ITGA11: variants seen among roughly 807,000 people sequenced by gnomAD.
The protein encoded by ITGA11 is integrin alpha-11.
A neutral mutation model predicts 141.9 loss-of-function variants in ITGA11; 97 were observed. That is an observed-to-expected ratio of 0.68 (90% CI 0.58 to 0.81). The LOEUF is 0.81. ITGA11 is among the 30% of genes least tolerant of loss of function. The pLI is 0.00. For missense variants in ITGA11, 1,387 were observed against 1,559.2 expected (o/e 0.89, Z 1.86); for synonymous variants, 658 against 624.6 (o/e 1.05, Z -0.80).
chr15:68,303,883 G>C lies in ITGA11; in HGVS notation c.3384C>G (p.Ile1128Met). 1 of 1,604,652 alleles carries C rather than the reference G, an allele frequency of 6.2e-7. No homozygotes were observed. Among genetic ancestry groups the C allele is most frequent in the Non-Finnish European group, 8.5e-7 (1 of 1,172,350 alleles). Residue 1128 changes from isoleucine (I) to methionine (M), a missense_variant and splice_region_variant, in exon 29 of 30, where the codon ATC becomes ATG. Ile to Met is a conservative substitution (Grantham distance 10, BLOSUM62 1). Coordinates refer to ENST00000315757, the MANE Select transcript of ITGA11 (RefSeq NM_001004439.2). This position sits in a 1 kb window ranked among gnomAD's most constrained non-coding sequence, Gnocchi z 5.3. ...IFREEDPSRQ[I>M]VFEISKQEDW... ...CCTCTTGCTTGGAGATCTCAAACAC[G>C]ATCTGCAAGGGGAGGGGGGCCGGGC...
At chr15:68,331,515 A>G (rs1894155637) in intron 14 of ITGA11, among the ~76,000 whole-genome samples, 1 of 150,584 alleles carries the variant, frequency 6.6e-6, no homozygotes, top group African/African-American at 2.5e-5. Context: ...ATTTCCAGAG[A>G]AGAGTGAGCC....
At chr15:68,316,727 C>T (rs1392035017) in intron 21 of ITGA11, among the ~76,000 whole-genome samples, 2 of 152,232 alleles carry the variant, frequency 1.3e-5, no homozygotes, top group East Asian at 1.9e-4. Flanking sequence ...AGCTTGGCCT[C>T]AATTAGGTCT....
At chr15:68,337,993 C>T (rs377536826) in intron 11 of ITGA11, among the ~76,000 whole-genome samples, 15 of 152,284 alleles carry the variant, frequency 9.9e-5, no homozygotes, top group South Asian at 2.1e-4. Context: ...TGTACCAGCT[C>T]GCTGGACCAT....
chr15:68,355,436 GTTCTTTTT>G lies in ITGA11; in HGVS notation c.749+1707_749+1714del, dbSNP rs573266473. ...TACGAATTCACAATACTACTAAATA[GTTCTTTTT>G]TTCTTTTTTTCTTTTTTTTTTGAGA... On this transcript the variant is annotated intron_variant, in intron 7 of 29. Coordinates refer to ENST00000315757, the MANE Select transcript of ITGA11 (RefSeq NM_001004439.2). Among the ~76,000 whole-genome samples, 1,445 of 151,888 alleles carry G rather than the reference GTTCTTTTT, an allele frequency of 9.5e-3. 22 individuals carry two copies. The highest frequency in any genetic ancestry group is 0.028 in the African/African-American group (1,165 of 41,370).
At chr15:68,383,802 TAGGA>T (rs762875303) in intron 2 of ITGA11, among the ~76,000 whole-genome samples, 10 of 152,170 alleles carry the variant, frequency 6.6e-5, no homozygotes, top group Non-Finnish European at 1.0e-4. Flanking sequence ...TCACTGGACT[TAGGA>T]AGGATGTTGG....
At position 68,362,008 on chromosome 15, in the gene ITGA11, C is replaced by CCACT. The variant is rs1895258655; in HGVS notation, c.358-308_358-305dup. 4.9e-5 allele frequency: 14 copies of CCACT among 284,044 alleles called. 1 individual carries two copies. The South Asian group carries it at 5.4e-4, about 11-fold the overall frequency. The allele number at this position is 284,044 out of a possible 1,614,324, so 17.6% of individuals were successfully genotyped here. A position where few individuals can be genotyped will look rare whatever the true frequency, so the allele number is the denominator to read the frequency against. On this transcript the variant is annotated intron_variant, in intron 4 of 29. Transcript: ENST00000315757. ...TACTTCTTCACCCTACCTGCCCACC[C>CCACT]CACTCACCCACCCACCATACGGGAT...
chr15:68,406,865 G>C lies in ITGA11; in HGVS notation c.53-3836C>G, dbSNP rs377391252. On this transcript the variant is annotated intron_variant, in intron 1 of 29. Coordinates refer to ENST00000315757, the MANE Select transcript of ITGA11 (RefSeq NM_001004439.2). ...CACGATCCTAGGCATCTAACCGTGA[G>C]TTTTACATTAATCAATTAAATCTCA... is the stretch of plus-strand genomic sequence containing the variant. 6.3e-4 allele frequency among the ~76,000 whole-genome samples: 96 copies of C among 152,278 alleles called. 1 individual carries two copies. In the South Asian group the frequency reaches 0.014, roughly 23 times the overall value.
In ITGA11 at chr15:68,318,487, A is replaced by G. The variant is rs547155138; in HGVS notation, c.2617-1124T>C. The stretch of plus-strand genomic sequence containing the variant: ...CGAGAGACCATCAGGTGGGCTCTTC[A>G]TCATCAGCCTGGGCTGTCACTCTGG... On this transcript the variant is annotated intron_variant, in intron 20 of 29. Coordinates refer to ENST00000315757, the MANE Select transcript of ITGA11 (RefSeq NM_001004439.2). Among the ~76,000 whole-genome samples, 6 of 152,272 alleles carry G rather than the reference A, an allele frequency of 3.9e-5. No individual in the cohort carries two copies. The East Asian group carries it at 1.2e-3, about 29-fold the overall frequency.
At position 68,332,498 on chromosome 15, in the gene ITGA11, A is replaced by G. The variant is rs770173128; in HGVS notation, c.1426-20T>C. 1.2e-6 allele frequency: 2 copies of G among 1,609,466 alleles called. No homozygotes were observed. Among genetic ancestry groups the G allele is most frequent in the Non-Finnish European group, 1.7e-6 (2 of 1,177,608 alleles). On this transcript the variant is annotated intron_variant, in intron 12 of 29. Coordinates refer to ENST00000315757, the MANE Select transcript of ITGA11 (RefSeq NM_001004439.2). ...GCCTATCTGCGGCACGTGATGGGAG[A>G]GAGGAGTGGGCTGGCTGCCCAGCTC...
intron 2 of ITGA11, among the ~76,000 whole-genome samples, chr15:68,382,827 G>A (rs1355973062): frequency 6.6e-6 from 1 of 152,224 alleles, no homozygotes; most frequent in African/African-American, 2.4e-5. Context: ...ATTCAAGAGG[G>A]AAAGCAGGAA....
chr15:68,404,302 G>T (rs1046694290), intron 1 of ITGA11, among the ~76,000 whole-genome samples: 2 of 152,214 alleles, frequency 1.3e-5, no homozygotes, highest in East Asian at 3.9e-4. Flanking sequence ...GTCTGGCTTC[G>T]GCAGGGGCTT....
rs1172450512 is a variant in ITGA11, at chr15:68,405,159, C to T, written c.53-2130G>A. Among the ~76,000 whole-genome samples the T allele has an allele frequency of 1.5e-3, 181 of 118,928 alleles. 3 individuals carry two copies. Among genetic ancestry groups the T allele is most frequent in the African/African-American group, 5.6e-3 (177 of 31,664 alleles). 78.0% of individuals were successfully genotyped at this position (118,928 alleles called of 152,430 possible). A position where few individuals can be genotyped will look rare whatever the true frequency, so the allele number is the denominator to read the frequency against. ...ACAAGTTATTTTTCCCACTGTCTCC[C>T]TTTTTTTTTTTTTTTTGCTCAGCAA... On this transcript the variant is annotated intron_variant, in intron 1 of 29. Coordinates refer to ENST00000315757, the MANE Select transcript of ITGA11 (RefSeq NM_001004439.2).
At chr15:68,318,150 G>T (rs570148548) in intron 20 of ITGA11, among the ~76,000 whole-genome samples, 41 of 152,244 alleles carry the variant, frequency 2.7e-4, no homozygotes, top group African/African-American at 9.2e-4. Flanking sequence ...TCCTGGGTTG[G>T]GGATGGGTGG....
intron 5 of ITGA11, among the ~76,000 whole-genome samples, chr15:68,360,109 T>G (rs1046162566): frequency 6.6e-6 from 1 of 152,202 alleles, no homozygotes; most frequent in African/African-American, 2.4e-5. Context: ...CTGCATACTG[T>G]GTACAGCATG....
chr15:68,317,154 T>G (rs1893607999), intron 21 of ITGA11, 111 bp downstream of exon 21: 3 of 775,930 alleles, frequency 3.9e-6, no homozygotes, highest in Admixed American at 3.7e-5. Flanking sequence ...AGGCCTCCCA[T>G]CCCTCCCTGG....
At position 68,364,753 on chromosome 15, in the gene ITGA11, C is replaced by A. The variant is rs200757549; in HGVS notation, c.311G>T (p.Arg104Leu). ...SNVSERKDNM[R>L]LGLSLATNPK... is the part of the protein sequence containing the mutation. ...GTTGGTGGCGAGACTAAGGCCGAGG[C>A]GCATGTTGTCTTTCCGCTCGGACAC... The change falls in exon 4 of 30, where the codon CGC becomes CTC. Residue 104 changes from arginine (R) to leucine (L), a missense_variant. Arg to Leu is a moderately radical substitution (Grantham distance 102). Coordinates refer to ENST00000315757, the MANE Select transcript of ITGA11 (RefSeq NM_001004439.2). 3.7e-6 allele frequency: 6 copies of A among 1,613,084 alleles called. No homozygotes were observed. Among genetic ancestry groups the A allele is most frequent in the Admixed American group, 1.7e-5 (1 of 59,990 alleles).
At chr15:68,331,268 T>A (rs1894148804) in intron 14 of ITGA11, among the ~76,000 whole-genome samples, 157 bp from the exon 15 acceptor site, 1 of 152,150 alleles carries the variant, frequency 6.6e-6, no homozygotes, top group East Asian at 1.9e-4. Flanking sequence ...TGGCCTATCA[T>A]GGCACCTGAA....
intron 5 of ITGA11, 80 bp from the exon 6 acceptor site, chr15:68,358,665 G>A: frequency 1.4e-6 from 2 of 1,437,602 alleles, no homozygotes; most frequent in Non-Finnish European, 1.9e-6. Flanking sequence ...TTGTTCAAAG[G>A]ACAAATGAAT....
Position 68,303,848 on chromosome 15 carries a change from A to G in ITGA11, c.3419T>C (p.Val1140Ala). 6.2e-7 allele frequency: 1 copy of G among 1,611,818 alleles called. No individual in the cohort carries two copies. The highest frequency in any genetic ancestry group is 2.2e-5 in the East Asian group (1 of 44,714). ...FEISKQEDWQ[V>A]PIWIIVGSTL... ...GCTGCCTACAATGATCCAGATGGGG[A>G]CCTGCCAGTCCTCTTGCTTGGAGAT... The change falls in exon 29 of 30, where the codon GTC (valine) becomes GCC (alanine). Residue 1140 changes from valine (V) to alanine (A), a missense_variant. By Grantham distance (64) the Val-to-Ala change is moderately conservative. Coordinates refer to ENST00000315757, the MANE Select transcript of ITGA11 (RefSeq NM_001004439.2). This position sits in a 1 kb window ranked among gnomAD's most constrained non-coding sequence, Gnocchi z 5.3.
Sources: allele counts gnomAD v4.1 joint callset (sites outside exome capture counted in the v4.1 genomes callset), GRCh38; gene constraint gnomAD v4.1.1; non-coding constraint Gnocchi (gnomAD v3.1); transcripts MANE v1.5; gene names NCBI Gene and HGNC (gene_info 2026-07-23, HGNC 2026-07-21).